The following TMEM132D variants were observed in gnomAD, a reference collection of about 807,000 sequenced individuals.
TMEM132D encodes the protein transmembrane protein 132D.
In TMEM132D, 21 loss-of-function variants were observed where a neutral mutation model predicts 62.3. That is an observed-to-expected ratio of 0.34 (90% CI 0.24 to 0.49). The LOEUF (loss-of-function observed/expected upper bound fraction) is 0.49, where lower values mean the gene tolerates loss of function less well. TMEM132D is among the 20% of genes least tolerant of loss of function. The pLI is 0.99. For missense variants in TMEM132D, 1,346 were observed against 1,402.8 expected, an observed-to-expected ratio of 0.96 and a Z score of 0.65; for synonymous variants, 621 against 575.6, an observed-to-expected ratio of 1.08 and a Z score of -1.13.
chr12:129,410,538 T>G (rs1357712002), intron 3 of TMEM132D, among the ~76,000 whole-genome samples: 1 of 151,634 alleles, frequency 6.6e-6, no homozygotes, highest in Non-Finnish European at 1.5e-5. Context: ...TTTTGTATTT[T>G]TAGTACAGAT....
intron 2 of TMEM132D, among the ~76,000 whole-genome samples, chr12:129,681,165 C>G (rs773337010): frequency 2.0e-5 from 3 of 152,182 alleles, no homozygotes; most frequent in African/African-American, 7.2e-5. Flanking sequence ...TGTATCTACT[C>G]TCATCTGTCT....
intron 4 of TMEM132D, among the ~76,000 whole-genome samples, chr12:129,215,257 T>G (rs998098898): frequency 1.3e-5 from 2 of 152,096 alleles, no homozygotes; most frequent in African/African-American, 4.8e-5. Flanking sequence ...ATGTTCTCGC[T>G]TATAAGTGGG....
chr12:129,451,309 C>T (rs1312971649), intron 3 of TMEM132D, among the ~76,000 whole-genome samples: 4 of 152,176 alleles, frequency 2.6e-5, no homozygotes, highest in African/African-American at 7.2e-5. Flanking sequence ...CTCTGATAAG[C>T]AGGCATTAAT....
intron 5 of TMEM132D, among the ~76,000 whole-genome samples, chr12:129,172,494 G>C (rs1201230552): frequency 6.6e-6 from 1 of 152,328 alleles, no homozygotes; most frequent in Admixed American, 6.5e-5. Flanking sequence ...TCCTCACTCA[G>C]CTTAACCATT....
chr12:129,331,989 T>C (rs1180717877), intron 4 of TMEM132D, among the ~76,000 whole-genome samples: 3 of 152,142 alleles, frequency 2.0e-5, no homozygotes, highest in East Asian at 1.9e-4. Flanking sequence ...GGCGGGTGGA[T>C]TGCTTGAGGC....
chr12:129,643,093 T>C (rs1473999744), intron 2 of TMEM132D, among the ~76,000 whole-genome samples: 3 of 151,742 alleles, frequency 2.0e-5, no homozygotes, highest in Non-Finnish European at 4.4e-5. Context: ...CCCGACTAAT[T>C]TTCGTATTTT....
intron 3 of TMEM132D, among the ~76,000 whole-genome samples, chr12:129,342,591 C>G (rs888876953): frequency 2.6e-5 from 4 of 152,108 alleles, no homozygotes; most frequent in Non-Finnish European, 5.9e-5. Context: ...TAATTAAACT[C>G]AAGAGCTTCT....
intron 1 of TMEM132D, among the ~76,000 whole-genome samples, chr12:129,713,293 G>A (rs1305500966): frequency 6.6e-6 from 1 of 152,102 alleles, no homozygotes; most frequent in Non-Finnish European, 1.5e-5. Context: ...GTACAGAGTA[G>A]TATGTAAACA....
At chr12:129,874,959 G>A (rs552944455) in intron 1 of TMEM132D, among the ~76,000 whole-genome samples, 2 of 152,340 alleles carry the variant, frequency 1.3e-5, no homozygotes, top group African/African-American at 2.4e-5. Context: ...TTACAGGCGT[G>A]AGCCGCCATG....
chr12:129,271,230 G>A (rs909812846), intron 4 of TMEM132D, among the ~76,000 whole-genome samples: 6 of 149,316 alleles, frequency 4.0e-5, no homozygotes, highest in South Asian at 2.1e-4. Flanking sequence ...CCTTGCTGCC[G>A]GAAGACTGGG....
At chr12:129,551,129 A>G (rs1876883308) in intron 2 of TMEM132D, among the ~76,000 whole-genome samples, 1 of 152,210 alleles carries the variant, frequency 6.6e-6, no homozygotes. Context: ...ACAGGATCCC[A>G]AGCTTCAGGG....
intron 2 of TMEM132D, among the ~76,000 whole-genome samples, chr12:129,582,372 C>T (rs577731961): frequency 5.2e-4 from 79 of 152,246 alleles, no homozygotes; most frequent in African/African-American, 1.7e-3. Context: ...GGTACTTACC[C>T]CCCAGAGATG....
At chr12:129,294,561 G>C (rs1451668224) in intron 4 of TMEM132D, among the ~76,000 whole-genome samples, 1 of 152,146 alleles carries the variant, frequency 6.6e-6, no homozygotes, top group Non-Finnish European at 1.5e-5. Flanking sequence ...CTTCCTGTGG[G>C]AGTTTAGGGG....
At position 129,302,637 on chromosome 12, in the gene TMEM132D, C is replaced by G. The variant is rs1361560429; in HGVS notation, c.1299+34997G>C. On this transcript the variant is annotated intron_variant, in intron 4 of 8. Coordinates refer to ENST00000422113, the MANE Select transcript of TMEM132D (RefSeq NM_133448.3). ...GGCTCAGGCCCATTCCAGATGCTTC[C>G]TTTTTCTCCAGGACCAGCAGGCCAC... is the stretch of plus-strand genomic sequence containing the variant. Among the ~76,000 whole-genome samples the G allele has an allele frequency of 3.3e-5, 5 of 152,204 alleles. No individual in the cohort carries two copies. The South Asian group carries it at 1.0e-3, about 32-fold the overall frequency.
chr12:129,245,073 C>G (rs1179414963), intron 4 of TMEM132D, among the ~76,000 whole-genome samples: 3 of 152,156 alleles, frequency 2.0e-5, no homozygotes, highest in Admixed American at 6.5e-5. Flanking sequence ...TTACTAATAA[C>G]TAGAGTCCAT....
chr12:129,269,256 G>C (rs1593317623), intron 4 of TMEM132D, among the ~76,000 whole-genome samples: 1 of 152,056 alleles, frequency 6.6e-6, no homozygotes, highest in East Asian at 1.9e-4. Flanking sequence ...CTTGTATAGT[G>C]ATTTTTTAGA....
intron 4 of TMEM132D, among the ~76,000 whole-genome samples, chr12:129,244,240 G>T (rs1263242820): frequency 1.3e-5 from 2 of 151,026 alleles, no homozygotes; most frequent in Non-Finnish European, 3.0e-5. Context: ...AAAAAAATTA[G>T]CCGGGTGTGG....
intron 4 of TMEM132D, among the ~76,000 whole-genome samples, chr12:129,244,406 A>ACAAAC (rs1555240903): frequency 7.5e-5 from 11 of 146,192 alleles, no homozygotes; most frequent in African/African-American, 2.5e-4. Context: ...AAAAAAAAAA[A>ACAAAC]AAACAAACAA....
chr12:129,259,770 C>T lies in TMEM132D; in HGVS notation c.1300-50107G>A, dbSNP rs147733665. Among the ~76,000 whole-genome samples the T allele has an allele frequency of 5.3e-5, 8 of 152,184 alleles. No homozygotes were observed. The South Asian group carries it at 1.0e-3, about 20-fold the overall frequency. On this transcript the variant is annotated intron_variant, in intron 4 of 8. Coordinates refer to ENST00000422113, the MANE Select transcript of TMEM132D (RefSeq NM_133448.3). ...CATTTTAGAAGAAAAGCTAATGTGA[C>T]TTGAAAAGTCACATTATTTAGGAGC...
Sources: gnomAD v4.1 joint callset for allele counts (sites outside exome capture counted in the v4.1 genomes callset) on GRCh38, gnomAD v4.1.1 for gene constraint, MANE v1.5 for transcripts, NCBI Gene and HGNC (gene_info 2026-07-23, HGNC 2026-07-21) for gene names.